The following RABGAP1L variants were observed in gnomAD, a reference collection of about 807,000 sequenced individuals.
RABGAP1L encodes the protein RAB GTPase activating protein 1 like.
Under a neutral mutation model 137.7 loss-of-function variants are expected in RABGAP1L, and 63 were observed. That is an observed-to-expected ratio of 0.46 (90% confidence interval 0.37 to 0.56). The LOEUF is 0.56. RABGAP1L is among the 20% of genes least tolerant of loss of function. The probability of loss-of-function intolerance (pLI) is 0.00; values close to 1 mark genes in which losing one functional copy is unlikely to be tolerated. For missense variants in RABGAP1L, 1,095 were observed against 1,244.0 expected (o/e 0.88, Z 1.80); for synonymous variants, 431 against 433.7 (o/e 0.99, Z 0.08).
At chr1:174,693,280 A>G in intron 15 of RABGAP1L, among the ~76,000 whole-genome samples, 1 of 152,216 alleles carries the variant, frequency 6.6e-6, no homozygotes, top group East Asian at 1.9e-4. Context: ...TATCATGGTC[A>G]TATCAGTGCT....
chr1:174,810,053 T>C (rs1177349789), intron 18 of RABGAP1L, among the ~76,000 whole-genome samples: 1 of 152,212 alleles, frequency 6.6e-6, no homozygotes, highest in Non-Finnish European at 1.5e-5. Flanking sequence ...ATTTTTTGAT[T>C]ACTAATTTGT....
chr1:174,903,583 G>A (rs1458033143), intron 19 of RABGAP1L, among the ~76,000 whole-genome samples: 1 of 152,146 alleles, frequency 6.6e-6, no homozygotes, highest in African/African-American at 2.4e-5. Flanking sequence ...ATATAAAGCA[G>A]TATAGCATTA....
intron 13 of RABGAP1L, among the ~76,000 whole-genome samples, chr1:174,420,199 CTTT>C (rs36019314): frequency 8.9e-5 from 12 of 135,216 alleles, no homozygotes; most frequent in Non-Finnish European, 9.7e-5. Flanking sequence ...GCCCAACCTC[CTTT>C]TTTTTTTTTT....
At chr1:174,248,863 AGCATTCTTCTT>A (rs1273891183) in intron 5 of RABGAP1L, among the ~76,000 whole-genome samples, 1 of 152,202 alleles carries the variant, frequency 6.6e-6, no homozygotes, top group African/African-American at 2.4e-5. Context: ...TAATGTTCAC[AGCATTCTTCTT>A]ATCTGTACTT....
In RABGAP1L at chr1:174,439,816, T is replaced by G. The variant is rs75013149; in HGVS notation, c.1710+45671T>G. Among the ~76,000 whole-genome samples, 1,416 of 152,372 alleles carry G rather than the reference T, an allele frequency of 9.3e-3. 27 individuals carry two copies. Among genetic ancestry groups the G allele is most frequent in the African/African-American group, 0.033 (1,363 of 41,594 alleles). Reference sequence around the variant, plus strand: ...ACTTATTTGTTCGACACCTATTCTGTGTCTAGCACCGCAGTGTAGGCACTT... The same window carrying G: ...ACTTATTTGTTCGACACCTATTCTGGGTCTAGCACCGCAGTGTAGGCACTT... On this transcript the variant is annotated intron_variant, in intron 13 of 25. Transcript: ENST00000681986.
chr1:174,760,366 C>A (rs1685123000), intron 18 of RABGAP1L, among the ~76,000 whole-genome samples: 1 of 152,084 alleles, frequency 6.6e-6, no homozygotes, highest in Non-Finnish European at 1.5e-5. Context: ...TCTATTGTTC[C>A]CTTCTTTGTG....
At chr1:174,505,799 T>C (rs1210926093) in intron 13 of RABGAP1L, among the ~76,000 whole-genome samples, 1 of 152,186 alleles carries the variant, frequency 6.6e-6, no homozygotes, top group Non-Finnish European at 1.5e-5. Context: ...CAATAATGGG[T>C]ATATATCCAA....
intron 13 of RABGAP1L, among the ~76,000 whole-genome samples, chr1:174,453,148 T>C (rs1382123874): frequency 6.6e-6 from 1 of 152,196 alleles, no homozygotes; most frequent in Non-Finnish European, 1.5e-5. Context: ...GATTCTGAGG[T>C]TAACCTACCT....
chr1:174,888,052 TA>T (rs1467018805), intron 19 of RABGAP1L, among the ~76,000 whole-genome samples: 1 of 151,510 alleles, frequency 6.6e-6, no homozygotes, highest in East Asian at 1.9e-4. Flanking sequence ...AAAAAAAAAA[TA>T]CGATTACAAA....
At position 174,729,315 on chromosome 1, in the gene RABGAP1L, C is replaced by CA. The variant is rs1310283009; in HGVS notation, c.2170-22993dup. 2.6e-5 allele frequency among the ~76,000 whole-genome samples: 4 copies of CA among 152,144 alleles called. No individual in the cohort carries two copies. The East Asian group carries it at 7.7e-4, about 29-fold the overall frequency. On this transcript the variant is annotated intron_variant, in intron 17 of 25. Coordinates refer to ENST00000681986, the MANE Select transcript of RABGAP1L (RefSeq NM_001366446.1). The stretch of plus-strand genomic sequence containing the variant: ...CTGGACCCCTACCTGTCACCATATA[C>CA]AAAAATTAACTCAAGAAGGATTAAA...
At position 174,547,848 on chromosome 1, in the gene RABGAP1L, A is replaced by G. The variant is rs144898325; in HGVS notation, c.1711-89527A>G. ...ATTTTGTCTTTTAGCAACAGATGAA[A>G]TTTAGTCTTACACCGAGACAGACTA... On this transcript the variant is annotated intron_variant, in intron 13 of 25. Transcript: ENST00000681986. 4.5e-5 allele frequency: 69 copies of G among 1,530,156 alleles called. No homozygotes were observed. In the African/African-American group the frequency reaches 8.7e-4, roughly 19 times the overall value. The allele number at this position is 1,530,156 out of a possible 1,614,324, so 94.8% of individuals were successfully genotyped here.
At chr1:174,866,417 C>A (rs1038868110) in intron 19 of RABGAP1L, among the ~76,000 whole-genome samples, 3 of 152,158 alleles carry the variant, frequency 2.0e-5, no homozygotes, top group Non-Finnish European at 4.4e-5. Flanking sequence ...AAGCAATTTA[C>A]TATTGCTCTT....
chr1:174,676,615 A>G lies in RABGAP1L; in HGVS notation c.1825-6907A>G, dbSNP rs140565155. On this transcript the variant is annotated intron_variant, in intron 14 of 25. Coordinates refer to ENST00000681986, the MANE Select transcript of RABGAP1L (RefSeq NM_001366446.1). ...TATTTGAGAAGCACGTACTTTGTGT[A>G]TGAATGAAGAAATGTATCTATTTTC... 3.6e-3 allele frequency among the ~76,000 whole-genome samples: 547 copies of G among 152,334 alleles called. 5 individuals carry two copies. The highest frequency in any genetic ancestry group is 0.011 in the African/African-American group (468 of 41,584).
intron 13 of RABGAP1L, among the ~76,000 whole-genome samples, chr1:174,525,410 A>G (rs1346293587): frequency 6.6e-6 from 1 of 151,984 alleles, no homozygotes; most frequent in Admixed American, 6.6e-5. Context: ...TAGCTATTGT[A>G]AATTGGATTT....
At chr1:174,584,636 G>T (rs535037052) in intron 13 of RABGAP1L, among the ~76,000 whole-genome samples, 15 of 152,312 alleles carry the variant, frequency 9.8e-5, no homozygotes, top group African/African-American at 2.9e-4. Context: ...CATTCTTGGT[G>T]ATGGGCTTGG....
At chr1:174,880,716 T>C (rs941137879) in intron 19 of RABGAP1L, among the ~76,000 whole-genome samples, 2 of 151,804 alleles carry the variant, frequency 1.3e-5, no homozygotes, top group Non-Finnish European at 2.9e-5. Flanking sequence ...CAGCCTCTCC[T>C]GAGTAGCTGG....
At chr1:174,347,566 C>T (rs542549028) in intron 11 of RABGAP1L, among the ~76,000 whole-genome samples, 4 of 151,910 alleles carry the variant, frequency 2.6e-5, no homozygotes, top group African/African-American at 9.7e-5. Flanking sequence ...GATCTTGGCT[C>T]ACTGCAAGCT....
intron 16 of RABGAP1L, among the ~76,000 whole-genome samples, chr1:174,700,115 T>A (rs1465061247): frequency 6.6e-6 from 1 of 152,230 alleles, no homozygotes; most frequent in Non-Finnish European, 1.5e-5. Flanking sequence ...TTTTTAAATA[T>A]AATTCCTAAT....
intron 7 of RABGAP1L, among the ~76,000 whole-genome samples, chr1:174,253,022 CAA>C (rs1054435619): frequency 6.6e-6 from 1 of 151,914 alleles, no homozygotes; most frequent in African/African-American, 2.4e-5. Context: ...ATTCAGAAAA[CAA>C]AGGAATGGTA....
Sources: allele counts gnomAD v4.1 joint callset (sites outside exome capture counted in the v4.1 genomes callset), GRCh38; gene constraint gnomAD v4.1.1; transcripts MANE v1.5; gene names NCBI Gene and HGNC (gene_info 2026-07-23, HGNC 2026-07-21).